PIP4K2A: variants seen among roughly 807,000 people sequenced by gnomAD.
PIP4K2A encodes the protein phosphatidylinositol 5-phosphate 4-kinase type-2 alpha.
In PIP4K2A, 14 loss-of-function variants were observed where a neutral mutation model predicts 42.9. The ratio of observed to expected loss-of-function variants is 0.33; its 90% CI spans 0.22 to 0.51. PIP4K2A has a LOEUF of 0.51. Ranked by LOEUF, PIP4K2A falls within the 20% of genes least tolerant of loss-of-function variation. The probability of loss-of-function intolerance (pLI) is 0.97; values close to 1 mark genes in which losing one functional copy is unlikely to be tolerated. For missense variants in PIP4K2A, 434 were observed against 519.8 expected, an observed-to-expected ratio of 0.83 and a Z score of 1.61; for synonymous variants, 192 against 192.2, an observed-to-expected ratio of 1.00 and a Z score of 0.01.
chr10:22,549,821 A>G (rs1379699946), intron 7 of PIP4K2A, among the ~76,000 whole-genome samples: 2 of 117,484 alleles, frequency 1.7e-5, no homozygotes, highest in African/African-American at 6.5e-5. Context: ...AGCCTAGAAG[A>G]CAGTGAGAAT....
At chr10:22,627,592 A>AAAT (rs1838471201) in intron 1 of PIP4K2A, among the ~76,000 whole-genome samples, 1 of 18,138 alleles carries the variant, frequency 5.5e-5, no homozygotes, top group South Asian at 1.5e-3. Context: ...AATATGTAAT[A>AAAT]AAAAAAAAAA....
chr10:22,679,988 T>C (rs1263116382), intron 1 of PIP4K2A, among the ~76,000 whole-genome samples: 3 of 152,140 alleles, frequency 2.0e-5, no homozygotes, highest in African/African-American at 7.2e-5. Context: ...AATATATACA[T>C]TTTAGTAAAT....
chr10:22,637,612 C>T (rs1408744716), intron 1 of PIP4K2A, among the ~76,000 whole-genome samples: 1 of 152,090 alleles, frequency 6.6e-6, no homozygotes. Flanking sequence ...CTTCTTTGTG[C>T]AGTGAGGTTC....
chr10:22,552,411 G>A (rs898685127), intron 6 of PIP4K2A, among the ~76,000 whole-genome samples: 7 of 152,084 alleles, frequency 4.6e-5, no homozygotes, highest in African/African-American at 1.4e-4. Context: ...GTCAGGATGC[G>A]CCTGCTAGAC....
At chr10:22,568,880 C>A in intron 5 of PIP4K2A, 1 of 636,128 alleles carries the variant, frequency 1.6e-6, no homozygotes, top group Admixed American at 2.7e-5. Flanking sequence ...ATTTCCTGGG[C>A]TCCCTTCCCC....
Position 22,566,701 on chromosome 10 carries a change from C to T in PIP4K2A, c.678+1150G>A, listed in dbSNP as rs138542964. Among the ~76,000 whole-genome samples, 49 of 151,970 alleles carry T rather than the reference C, an allele frequency of 3.2e-4. 2 individuals carry two copies. In the East Asian group the frequency reaches 7.6e-3, roughly 23 times the overall value. On this transcript the variant is annotated intron_variant, in intron 6 of 9. Transcript: ENST00000376573. ...CCCCACTCTGACTCTCATGCCCTTG[C>T]ACCTGCCGCTCTTCCTCTGACTAAC...
At chr10:22,687,909 G>A (rs556433085) in intron 1 of PIP4K2A, among the ~76,000 whole-genome samples, 12 of 152,124 alleles carry the variant, frequency 7.9e-5, no homozygotes, top group Non-Finnish European at 1.8e-4. Flanking sequence ...GGCCTACTTT[G>A]TGCGAGATCA....
chr10:22,539,846 A>G, intron 9 of PIP4K2A, 125 bp downstream of exon 9: 1 of 723,908 alleles, frequency 1.4e-6, no homozygotes, highest in South Asian at 1.5e-5. Flanking sequence ...CAGTGGCAGA[A>G]AGGAGTGATC....
intron 1 of PIP4K2A, among the ~76,000 whole-genome samples, chr10:22,618,013 G>T (rs564381804): frequency 6.6e-6 from 1 of 152,266 alleles, no homozygotes; most frequent in African/African-American, 2.4e-5. Context: ...AACTTGATAT[G>T]ATGACTATTC....
At chr10:22,679,543 T>G (rs996259677) in intron 1 of PIP4K2A, among the ~76,000 whole-genome samples, 1 of 152,100 alleles carries the variant, frequency 6.6e-6, no homozygotes, top group African/African-American at 2.4e-5. Context: ...ACCCAACAAT[T>G]TCACTACTAG....
intron 1 of PIP4K2A, among the ~76,000 whole-genome samples, chr10:22,686,856 C>G (rs893996531): frequency 6.6e-6 from 1 of 152,126 alleles, no homozygotes; most frequent in Non-Finnish European, 1.5e-5. Flanking sequence ...CACGCTGACG[C>G]AGCTAAATTA....
intron 1 of PIP4K2A, among the ~76,000 whole-genome samples, chr10:22,670,524 A>C (rs891650435): frequency 2.1e-4 from 32 of 152,306 alleles, no homozygotes; most frequent in African/African-American, 7.2e-4. Context: ...GCAATTCTTT[A>C]TTGCATACGT....
At position 22,608,441 on chromosome 10, in the gene PIP4K2A, A is replaced by T. The variant is rs912897706; in HGVS notation, c.243-418T>A. 1.3e-5 allele frequency among the ~76,000 whole-genome samples: 2 copies of T among 152,178 alleles called. 1 individual carries two copies. Among genetic ancestry groups the T allele is most frequent in the Non-Finnish European group, 2.9e-5 (2 of 68,020 alleles). ...AGGAGGGCCACTCCCTCACCCCCCT[A>T]AAAGGCCTGTTTTATATAAATGCCA... On this transcript the variant is annotated intron_variant, in intron 2 of 9. Coordinates refer to ENST00000376573, the MANE Select transcript of PIP4K2A (RefSeq NM_005028.5).
chr10:22,575,137 A>AAG (rs1396184903), intron 4 of PIP4K2A, among the ~76,000 whole-genome samples: 2 of 152,234 alleles, frequency 1.3e-5, no homozygotes, highest in Non-Finnish European at 2.9e-5. Context: ...GGTTACAGGT[A>AAG]AGAGTATGTC....
At chr10:22,711,597 C>A (rs1833911445) in intron 1 of PIP4K2A, among the ~76,000 whole-genome samples, 1 of 152,178 alleles carries the variant, frequency 6.6e-6, no homozygotes, top group African/African-American at 2.4e-5. Context: ...CCTTAACATG[C>A]CCAAGGTCAA....
intron 1 of PIP4K2A, among the ~76,000 whole-genome samples, chr10:22,695,671 C>T (rs1839955441): frequency 6.6e-6 from 1 of 152,152 alleles, no homozygotes; most frequent in Non-Finnish European, 1.5e-5. Flanking sequence ...CAGGATACCA[C>T]ACTCCCCAGA....
intron 7 of PIP4K2A, among the ~76,000 whole-genome samples, chr10:22,549,509 C>A (rs948897889): frequency 6.6e-6 from 1 of 152,016 alleles, no homozygotes; most frequent in Non-Finnish European, 1.5e-5. Flanking sequence ...ATTCTAATTC[C>A]CACTGCATTG....
intron 1 of PIP4K2A, among the ~76,000 whole-genome samples, chr10:22,696,041 T>C (rs1474480087): frequency 1.3e-5 from 2 of 152,184 alleles, no homozygotes; most frequent in East Asian, 1.9e-4. Flanking sequence ...AAGGTGTAAG[T>C]AGAAAGCAAA....
intron 6 of PIP4K2A, chr10:22,567,393 G>A (rs1222386610): frequency 1.5e-5 from 5 of 333,052 alleles, no homozygotes; most frequent in Non-Finnish European, 3.0e-5. Flanking sequence ...AGTTGGAAAG[G>A]AGTTTGAGGC....
Sources: allele counts gnomAD v4.1 joint callset (sites outside exome capture counted in the v4.1 genomes callset), GRCh38; gene constraint gnomAD v4.1.1; transcripts MANE v1.5; gene names NCBI Gene and HGNC (gene_info 2026-07-23, HGNC 2026-07-21).